Variants in ABL1 observed in about 807,000 individuals in gnomAD.
The protein encoded by ABL1 is ABL proto-oncogene 1, non-receptor tyrosine kinase.
Under a neutral mutation model 94.7 loss-of-function variants are expected in ABL1, and 11 were observed. That is an observed-to-expected ratio of 0.12 (90% CI 0.07 to 0.19). The LOEUF (loss-of-function observed/expected upper bound fraction) is 0.19, where lower values mean the gene tolerates loss of function less well. Among genes scored for constraint, ABL1 ranks in the 10% least tolerant of loss-of-function variants. The probability of loss-of-function intolerance (pLI) is 1.00; values close to 1 mark genes in which losing one functional copy is unlikely to be tolerated. For synonymous variants in ABL1, 656 were observed against 622.4 expected, an observed-to-expected ratio of 1.05 and a Z score of -0.80; for missense variants, 1,082 against 1,489.4, an observed-to-expected ratio of 0.73 and a Z score of 4.50.
intron 1 of ABL1, among the ~76,000 whole-genome samples, chr9:130,759,516 A>G (rs1564281972): frequency 6.6e-6 from 1 of 152,256 alleles, no homozygotes; most frequent in Non-Finnish European, 1.5e-5. Flanking sequence ...AGTCTAAAGT[A>G]AACATAAACA....
In ABL1 at chr9:130,880,688, C is replaced by T; in HGVS notation, c.1678+24C>T. 6.2e-7 allele frequency: 1 copy of T among 1,610,260 alleles called. No homozygotes were observed. Among genetic ancestry groups the T allele is most frequent in the East Asian group, 2.2e-5 (1 of 44,846 alleles). On this transcript the variant is annotated intron_variant, in intron 10 of 10. Coordinates refer to ENST00000318560, the MANE Select transcript of ABL1 (RefSeq NM_005157.6). This position sits in a 1 kb window ranked among gnomAD's most constrained non-coding sequence, Gnocchi z 4.4. ...CGGTAAGTCCCCCGCTTCCCCCAAC[C>T]CCACTGCTCTTCCCTTCCCTGCCAG...
chr9:130,844,322 G>A (rs1830724189), intron 1 of ABL1, among the ~76,000 whole-genome samples: 1 of 152,216 alleles, frequency 6.6e-6, no homozygotes, highest in African/African-American at 2.4e-5. Context: ...CCAAGATGCA[G>A]GGTGGGAACT....
intron 1 of ABL1, among the ~76,000 whole-genome samples, chr9:130,749,835 C>T (rs1299388442): frequency 6.6e-6 from 1 of 152,032 alleles, no homozygotes; most frequent in East Asian, 1.9e-4. Flanking sequence ...ACAAGATCTC[C>T]ATTCCATTGC....
At chr9:130,764,246 C>A (rs1832153532) in intron 1 of ABL1, among the ~76,000 whole-genome samples, 1 of 152,140 alleles carries the variant, frequency 6.6e-6, no homozygotes, top group South Asian at 2.1e-4. Flanking sequence ...ACCCCAGAAA[C>A]CAGGGGAGAA....
intron 1 of ABL1, among the ~76,000 whole-genome samples, chr9:130,813,336 C>T (rs1219972355): frequency 2.7e-5 from 4 of 150,518 alleles, no homozygotes; most frequent in African/African-American, 7.3e-5. Flanking sequence ...CTGAGGCGGG[C>T]GGATCACGAG....
chr9:130,880,298 G>T lies in ABL1; in HGVS notation c.1513+141G>T. On this transcript the variant is annotated intron_variant, in intron 9 of 10. Coordinates refer to ENST00000318560, the MANE Select transcript of ABL1 (RefSeq NM_005157.6). This position sits in a 1 kb window ranked among gnomAD's most constrained non-coding sequence, Gnocchi z 4.4. ...GACCAGAAAGCTGGGCAGAGGTGTGGAGTATTGTGCTTTCTTGTCTGCTGC... is the reference window on the plus strand; with the variant it reads ...GACCAGAAAGCTGGGCAGAGGTGTGTAGTATTGTGCTTTCTTGTCTGCTGC... 1 of 1,108,806 alleles carries T rather than the reference G, an allele frequency of 9.0e-7. No homozygotes were observed. Among genetic ancestry groups the T allele is most frequent in the East Asian group, 2.4e-5 (1 of 41,658 alleles). 68.7% of individuals were successfully genotyped at this position (1,108,806 alleles called of 1,614,324 possible). A position where few individuals can be genotyped will look rare whatever the true frequency, so the allele number is the denominator to read the frequency against.
chr9:130,766,917 C>T (rs765304521), intron 1 of ABL1, among the ~76,000 whole-genome samples: 5 of 152,106 alleles, frequency 3.3e-5, no homozygotes, highest in Non-Finnish European at 4.4e-5. Context: ...TCGATGGGTA[C>T]CCATCTCAGT....
At chr9:130,875,262 A>G (rs1461972993) in intron 7 of ABL1, among the ~76,000 whole-genome samples, 1 of 151,780 alleles carries the variant, frequency 6.6e-6, no homozygotes, top group Non-Finnish European at 1.5e-5. Flanking sequence ...CTGTCTCAGC[A>G]TCTTGAGTAG....
rs151309468 is a variant in ABL1 at position 130,838,529 on chromosome 9, G to A, written c.79+3004G>A. On this transcript the variant is annotated intron_variant, in intron 1 of 10. Coordinates refer to ENST00000318560, the MANE Select transcript of ABL1 (RefSeq NM_005157.6). ...TCCCCACCTAGAGGCAATCACCCTG[G>A]AGTTTTATGTGTGTCCTTCTAGAAA... Among the ~76,000 whole-genome samples, 396 of 152,170 alleles carry A rather than the reference G, an allele frequency of 2.6e-3. 4 individuals carry two copies. Among genetic ancestry groups the A allele is most frequent in the Admixed American group, 2.2e-3 (33 of 15,292 alleles).
intron 1 of ABL1, among the ~76,000 whole-genome samples, chr9:130,768,243 C>T (rs1031912105): frequency 6.6e-6 from 1 of 152,166 alleles, no homozygotes; most frequent in African/African-American, 2.4e-5. Context: ...AGACTGGCAG[C>T]AGGATTTACT....
At chr9:130,850,765 C>G (rs907207175) in intron 1 of ABL1, among the ~76,000 whole-genome samples, 2 of 152,072 alleles carry the variant, frequency 1.3e-5, no homozygotes, top group African/African-American at 4.8e-5. Context: ...CCTCGGCCTC[C>G]CAAAGTGCTG....
At chr9:130,791,653 A>G (rs1349080347) in intron 1 of ABL1, among the ~76,000 whole-genome samples, 3 of 152,160 alleles carry the variant, frequency 2.0e-5, no homozygotes, top group Admixed American at 6.5e-5. Context: ...CTGCCCGTCC[A>G]CATAAGACTC....
At chr9:130,806,053 G>A (rs1281516449) in intron 1 of ABL1, among the ~76,000 whole-genome samples, 1 of 152,192 alleles carries the variant, frequency 6.6e-6, no homozygotes, top group Non-Finnish European at 1.5e-5. Context: ...GTCTGGCCCA[G>A]AGGACCAGAT....
chr9:130,724,674 A>G (rs1831556228), intron 1 of ABL1: 2 of 310,382 alleles, frequency 6.4e-6, no homozygotes, highest in Admixed American at 3.5e-5. Context: ...GTGGTGACGC[A>G]TACCTGTAAT....
At chr9:130,853,948 A>C (rs1588268800) in intron 1 of ABL1, 116 bp from the exon 2 acceptor site, 2 of 1,069,562 alleles carry the variant, frequency 1.9e-6, no homozygotes, top group Non-Finnish European at 2.7e-6. Flanking sequence ...TAAGAAATGA[A>C]ATAGGAATGT....
At chr9:130,843,346 A>G (rs765315925) in intron 1 of ABL1, among the ~76,000 whole-genome samples, 1 of 152,226 alleles carries the variant, frequency 6.6e-6, no homozygotes, top group Non-Finnish European at 1.5e-5. Context: ...GTCAGGTGCC[A>G]CAGTTGGCAT....
intron 1 of ABL1, among the ~76,000 whole-genome samples, chr9:130,828,139 C>T (rs1287351954): frequency 2.0e-5 from 3 of 151,452 alleles, no homozygotes; most frequent in Non-Finnish European, 3.0e-5. Flanking sequence ...GGCTGGAGTG[C>T]AGTGGCAAGA....
intron 1 of ABL1, among the ~76,000 whole-genome samples, chr9:130,806,652 C>T (rs1378324627): frequency 6.6e-6 from 1 of 151,992 alleles, no homozygotes; most frequent in Non-Finnish European, 1.5e-5. Context: ...AAGACTGTCT[C>T]AAAAAAATTA....
chr9:130,803,042 T>G lies in ABL1; in HGVS notation c.137-51022T>G, dbSNP rs184497092. On this transcript the variant is annotated intron_variant, in intron 1 of 10. Transcript: ENST00000372348. ...GGATTACTTCAGTCTATTTATTTAT[T>G]TGTTTATTTATTTAGAGACAGAAGT... Among the ~76,000 whole-genome samples, 49 of 152,178 alleles carry G rather than the reference T, an allele frequency of 3.2e-4. No homozygotes were observed. The East Asian group carries it at 4.0e-3, about 13-fold the overall frequency.
Sources: gnomAD v4.1 joint callset for allele counts (sites outside exome capture counted in the v4.1 genomes callset) on GRCh38, gnomAD v4.1.1 for gene constraint, Gnocchi (gnomAD v3.1) non-coding constraint, MANE v1.5 for transcripts, NCBI Gene and HGNC (gene_info 2026-07-23, HGNC 2026-07-21) for gene names.